Variants in ESD observed in about 807,000 individuals in gnomAD.
The protein encoded by ESD is S-formylglutathione hydrolase.
ESD carries 34 observed loss-of-function variants against 38.1 expected under a neutral mutation model. The ratio of observed to expected loss-of-function variants is 0.89; its 90% CI spans 0.68 to 1.19. The LOEUF is 1.19. Among genes scored for constraint, ESD ranks in the 50% most tolerant of loss-of-function variants. The pLI, the probability that ESD is intolerant of heterozygous loss-of-function variation, is 0.00. For synonymous variants in ESD, 97 were observed against 107.0 expected (o/e 0.91, Z 0.58); for missense variants, 334 against 327.2 (o/e 1.02, Z -0.16).
intron 9 of ESD, among the ~76,000 whole-genome samples, chr13:46,771,784 A>T (rs1874615457): frequency 6.6e-6 from 1 of 151,834 alleles, no homozygotes; most frequent in South Asian, 2.1e-4. Context: ...GAGTGGAAGT[A>T]ACACATTAAT....
chr13:46,789,322 C>A (rs1015454826), intron 3 of ESD, among the ~76,000 whole-genome samples: 4 of 152,222 alleles, frequency 2.6e-5, no homozygotes, highest in Non-Finnish European at 5.9e-5. Context: ...ATTCTACTCT[C>A]ACTTAATTGA....
intron 1 of ESD, 119 bp from the exon 2 acceptor site, chr13:46,793,563 C>T (rs1222617447): frequency 6.6e-6 from 1 of 152,286 alleles, no homozygotes; most frequent in Non-Finnish European, 1.5e-5. Flanking sequence ...AGGTAAATGA[C>T]TGTACACCCT....
intron 4 of ESD, among the ~76,000 whole-genome samples, chr13:46,786,143 T>G (rs1459604499): frequency 6.6e-6 from 1 of 152,082 alleles, no homozygotes; most frequent in African/African-American, 2.4e-5. Flanking sequence ...TACCTAATGC[T>G]CTTCTAGCAA....
chr13:46,783,170 C>T (rs1331966170), intron 5 of ESD, among the ~76,000 whole-genome samples: 1 of 151,860 alleles, frequency 6.6e-6, no homozygotes, highest in East Asian at 1.9e-4. Context: ...TGTTGTGATC[C>T]CTTCCCTGAT....
At chr13:46,779,133 C>A (rs985992157) in intron 8 of ESD, among the ~76,000 whole-genome samples, 10 of 151,676 alleles carry the variant, frequency 6.6e-5, no homozygotes, top group African/African-American at 2.4e-4. Flanking sequence ...GAAAAAGGGT[C>A]ATTTTTATTT....
intron 1 of ESD, among the ~76,000 whole-genome samples, chr13:46,795,921 T>G (rs527821057): frequency 6.6e-6 from 1 of 152,170 alleles, no homozygotes; most frequent in African/African-American, 2.4e-5. Flanking sequence ...GCCCAGGTAA[T>G]TTTTTGTAGA....
intron 2 of ESD, among the ~76,000 whole-genome samples, chr13:46,792,284 T>C (rs1593411857): frequency 6.6e-6 from 1 of 152,094 alleles, no homozygotes; most frequent in African/African-American, 2.4e-5. Context: ...GTCCTACATA[T>C]TGAAGAAAAA....
At position 46,771,423 on chromosome 13, in the gene ESD, T is replaced by C; in HGVS notation, c.842A>G (p.Asn281Ser). ...CTCTTATTTGGAGTTTTTTCATGCATTCAGGTATTTAGCATGATGTCTGAT... is the reference window on the plus strand; with the variant it reads ...CTCTTATTTGGAGTTTTTTCATGCACTCAGGTATTTAGCATGATGTCTGAT... ...DHIRHHAKYL[N>S]A The change falls in exon 10 of 10, where the codon AAT (asparagine) becomes AGT (serine). Residue 281 changes from asparagine (N) to serine (S), a missense_variant. Coordinates refer to ENST00000378720, the MANE Select transcript of ESD (RefSeq NM_001984.2). The C allele has an allele frequency of 6.3e-7, 1 of 1,596,546 alleles. No homozygotes were observed. Among genetic ancestry groups the C allele is most frequent in the Non-Finnish European group, 8.6e-7 (1 of 1,166,412 alleles).
Position 46,794,716 on chromosome 13 carries a change from C to T in ESD, c.-55-1272G>A, listed in dbSNP as rs8192881. ...GTCCTATTCCACTGGCTCTTAACAA[C>T]CTAGACAGGTGTTCCCAAAACCAAC... On this transcript the variant is annotated intron_variant, in intron 1 of 9. Transcript: ENST00000378720. Among the ~76,000 whole-genome samples, 356 of 152,246 alleles carry T rather than the reference C, an allele frequency of 2.3e-3. 7 individuals carry two copies. In the East Asian group the frequency reaches 0.052, roughly 22 times the overall value.
In ESD at chr13:46,786,978, A is replaced by C. The variant is rs140119961; in HGVS notation, c.157+43T>G. 9,395 of 1,282,344 alleles carry C rather than the reference A, an allele frequency of 7.3e-3. 49 individuals carry two copies. The highest frequency in any genetic ancestry group is 9.0e-3 in the Non-Finnish European group (8,586 of 952,788). The allele number at this position is 1,282,344 out of a possible 1,614,324, so 79.4% of individuals were successfully genotyped here. On this transcript the variant is annotated intron_variant, in intron 4 of 9. Coordinates refer to ENST00000378720, the MANE Select transcript of ESD (RefSeq NM_001984.2). Reference sequence around the variant, plus strand: ...AGGGTAAGATAAGCCAGTTAAAAAGAAAATAGAAACGACTTTATAAAACTC... The same window carrying C: ...AGGGTAAGATAAGCCAGTTAAAAAGCAAATAGAAACGACTTTATAAAACTC...
intron 9 of ESD, among the ~76,000 whole-genome samples, chr13:46,771,994 T>G (rs1290595197): frequency 6.6e-6 from 1 of 152,026 alleles, no homozygotes; most frequent in African/African-American, 2.4e-5. Context: ...ATGCAGCACA[T>G]CAGTAAGACA....
At chr13:46,787,168 C>A in intron 3 of ESD, 59 bp from the exon 4 acceptor site, 2 of 966,562 alleles carry the variant, frequency 2.1e-6, no homozygotes, top group South Asian at 1.7e-5. Context: ...AATACAGAAA[C>A]AAAATAATTA....
intron 9 of ESD, chr13:46,775,664 C>T (rs1874771877): frequency 2.1e-6 from 1 of 470,536 alleles, no homozygotes; most frequent in Non-Finnish European, 4.4e-6. Flanking sequence ...CCGCTTCAAG[C>T]TATGTAGTCC....
At chr13:46,793,621 A>G (rs1283148342) in intron 1 of ESD, among the ~76,000 whole-genome samples, 177 bp from the exon 2 acceptor site, 1 of 152,212 alleles carries the variant, frequency 6.6e-6, no homozygotes, top group Non-Finnish European at 1.5e-5. Flanking sequence ...CCCATAATCT[A>G]ATTATTTGCC....
At chr13:46,772,922 G>A (rs771861096) in intron 9 of ESD, among the ~76,000 whole-genome samples, 2 of 152,170 alleles carry the variant, frequency 1.3e-5, no homozygotes, top group Non-Finnish European at 2.9e-5. Flanking sequence ...CTGACCTTGT[G>A]ATCCGTCCAC....
At chr13:46,789,146 A>ACTACATG (rs1875302203) in intron 3 of ESD, among the ~76,000 whole-genome samples, 2 of 152,126 alleles carry the variant, frequency 1.3e-5, no homozygotes, top group Non-Finnish European at 2.9e-5. Flanking sequence ...GCCTTAATAT[A>ACTACATG]GCTCCACTCA....
At chr13:46,789,231 T>G (rs1302135698) in intron 3 of ESD, among the ~76,000 whole-genome samples, 1 of 152,216 alleles carries the variant, frequency 6.6e-6, no homozygotes. Context: ...GTCCCTCATT[T>G]TGGTGAAGCA....
intron 1 of ESD, among the ~76,000 whole-genome samples, chr13:46,796,251 C>T (rs1207930133): frequency 1.3e-5 from 2 of 152,190 alleles, no homozygotes; most frequent in Non-Finnish European, 2.9e-5. Context: ...CCAGACCCTC[C>T]GGGTTCAAAC....
intron 4 of ESD, among the ~76,000 whole-genome samples, chr13:46,785,301 C>T (rs553202218): frequency 1.3e-5 from 2 of 152,046 alleles, no homozygotes; most frequent in South Asian, 2.1e-4. Context: ...ATCATTTCAC[C>T]AGTTGAGAGA....
Sources: gnomAD v4.1 joint callset for allele counts (sites outside exome capture counted in the v4.1 genomes callset) on GRCh38, gnomAD v4.1.1 for gene constraint, MANE v1.5 for transcripts, NCBI Gene and HGNC (gene_info 2026-07-23, HGNC 2026-07-21) for gene names.